Variants in LTBP2 observed in about 807,000 individuals in gnomAD.
LTBP2 encodes the protein latent transforming growth factor beta binding protein 2, also known as latent-transforming growth factor beta-binding protein 2.
LTBP2 carries 103 observed loss-of-function variants against 210.6 expected under a neutral mutation model. The observed-to-expected ratio is 0.49, with a 90% CI of 0.42 to 0.58. LTBP2 has a LOEUF of 0.58. Among genes scored for constraint, LTBP2 ranks in the 20% least tolerant of loss-of-function variants. The probability of loss-of-function intolerance (pLI) is 0.00; values close to 1 mark genes in which losing one functional copy is unlikely to be tolerated. For missense variants in LTBP2, 2,313 were observed against 2,494.5 expected (o/e 0.93, Z 1.55); for synonymous variants, 1,007 against 1,015.0 (o/e 0.99, Z 0.15).
intron 1 of LTBP2, among the ~76,000 whole-genome samples, chr14:74,610,569 G>C (rs950953974): frequency 6.6e-6 from 1 of 152,154 alleles, no homozygotes; most frequent in Non-Finnish European, 1.5e-5. Flanking sequence ...ACTGCCCAGG[G>C]CTCAGTGCCC....
intron 3 of LTBP2, among the ~76,000 whole-genome samples, chr14:74,565,094 C>T (rs948072830): frequency 1.3e-5 from 2 of 152,068 alleles, no homozygotes; most frequent in Admixed American, 6.6e-5. Context: ...TGACCCGGTC[C>T]GAAGAACAGC....
intron 1 of LTBP2, 27 bp from the exon 2 acceptor site, chr14:74,603,732 C>T (rs771890505): frequency 6.2e-7 from 1 of 1,600,108 alleles, no homozygotes; most frequent in South Asian, 1.1e-5. Flanking sequence ...ACAGAGTCAA[C>T]ACAAGGATGC....
Position 74,551,105 on chromosome 14 carries a change from C to T in LTBP2, c.1645G>A (p.Gly549Arg), listed in dbSNP as rs1200037387. The change falls in exon 7 of 36, where the codon GGA becomes AGA. Residue 549 changes from glycine (G) to arginine (R), a missense_variant. Physicochemically the swap from Gly to Arg is moderately radical, Grantham distance 125 (BLOSUM62 -2). This residue lies in a region of LTBP2 where 1,867 missense variants were observed against 1,976.9 expected (regional missense o/e 0.94). Coordinates refer to ENST00000261978, the MANE Select transcript of LTBP2 (RefSeq NM_000428.3). ...TTCAGGTAACACCGGCCCAGCAGTC[C>T]TCGAGGCCTGGGTGCTGCTGGGGGC... ...PLPPAAPRPR[G>R]LLGRCYLNTV... The T allele has an allele frequency of 6.2e-7, 1 of 1,613,830 alleles. No homozygotes were observed. Among genetic ancestry groups the T allele is most frequent in the Non-Finnish European group, 8.5e-7 (1 of 1,180,028 alleles).
At chr14:74,605,498 G>T (rs2088512826) in intron 1 of LTBP2, among the ~76,000 whole-genome samples, 1 of 152,208 alleles carries the variant, frequency 6.6e-6, no homozygotes, top group Non-Finnish European at 1.5e-5. Context: ...GAGTTTCCGG[G>T]GGTGCGCCCC....
At chr14:74,587,046 T>A (rs2088215876) in intron 2 of LTBP2, among the ~76,000 whole-genome samples, 1 of 152,166 alleles carries the variant, frequency 6.6e-6, no homozygotes, top group Non-Finnish European at 1.5e-5. Context: ...TTCACTGTCC[T>A]TCACCCCCTT....
chr14:74,567,398 C>A (rs2087919031), intron 3 of LTBP2, among the ~76,000 whole-genome samples: 1 of 152,174 alleles, frequency 6.6e-6, no homozygotes, highest in Admixed American at 6.5e-5. Context: ...GTAAGAGAGC[C>A]AGGCAAGAGA....
At position 74,498,545 on chromosome 14, in the gene LTBP2, G is replaced by C. The variant is rs1277826035; in HGVS notation, c.*2339C>G. 1.3e-5 allele frequency: 3 copies of C among 226,014 alleles called. No individual in the cohort carries two copies. The highest frequency in any genetic ancestry group is 2.6e-5 in the Non-Finnish European group (3 of 113,630). The allele number at this position is 226,014 out of a possible 1,614,324, so 14.0% of individuals were successfully genotyped here. On this transcript the variant is annotated 3_prime_UTR_variant, in exon 36 of 36. Transcript: ENST00000261978. ...ATTGCAAGTATAAAAAAAAAGCAAA[G>C]TGCAGAACAGCATGCATAGTATGCT...
Position 74,551,047 on chromosome 14 carries a change from C to T in LTBP2, c.1686+17G>A. On this transcript the variant is annotated intron_variant, in intron 7 of 35. Coordinates refer to ENST00000261978, the MANE Select transcript of LTBP2 (RefSeq NM_000428.3). ...TCCTGGAAGCATCCAGGGCTGAGGCCAGAGCTGTGTTCTCACCTGTCCGTT... is the reference window on the plus strand; with the variant it reads ...TCCTGGAAGCATCCAGGGCTGAGGCTAGAGCTGTGTTCTCACCTGTCCGTT... 1 of 1,613,524 alleles carries T rather than the reference C, an allele frequency of 6.2e-7. No individual in the cohort carries two copies. Among genetic ancestry groups the T allele is most frequent in the African/African-American group, 1.3e-5 (1 of 75,062 alleles).
chr14:74,567,101 G>A (rs185358157), intron 3 of LTBP2, among the ~76,000 whole-genome samples: 2 of 152,192 alleles, frequency 1.3e-5, no homozygotes, highest in Admixed American at 6.5e-5. Context: ...GCAGGGAGAC[G>A]GAGGGAGGCA....
At chr14:74,595,643 A>AC (rs2088349886) in intron 2 of LTBP2, among the ~76,000 whole-genome samples, 1 of 151,936 alleles carries the variant, frequency 6.6e-6, no homozygotes, top group Admixed American at 6.6e-5. Flanking sequence ...TGAGAACACC[A>AC]CCCCAAACAC....
chr14:74,553,850 G>GA (rs2087692856), intron 4 of LTBP2, among the ~76,000 whole-genome samples: 1 of 151,292 alleles, frequency 6.6e-6, no homozygotes, highest in Admixed American at 6.6e-5. Context: ...GGAGGAAATT[G>GA]AAAAAATATG....
At chr14:74,589,872 G>A (rs1238837983) in intron 2 of LTBP2, among the ~76,000 whole-genome samples, 3 of 152,136 alleles carry the variant, frequency 2.0e-5, no homozygotes, top group Admixed American at 6.5e-5. Context: ...CCCAAAGCCC[G>A]GCGTGGGTGA....
At chr14:74,555,832 C>T in intron 3 of LTBP2, 139 bp from the exon 4 acceptor site, 1 of 562,414 alleles carries the variant, frequency 1.8e-6, no homozygotes, top group Non-Finnish European at 2.8e-6. Context: ...ATGGCTGACT[C>T]CCAGACATGA....
chr14:74,604,195 A>C, intron 1 of LTBP2, among the ~76,000 whole-genome samples: 1 of 150,788 alleles, frequency 6.6e-6, no homozygotes. Context: ...CCACACACAC[A>C]AAAAAACACC....
At chr14:74,517,339 C>A (rs541188377) in intron 17 of LTBP2, among the ~76,000 whole-genome samples, 2 of 152,068 alleles carry the variant, frequency 1.3e-5, no homozygotes, top group African/African-American at 2.4e-5. Context: ...CTCCTGGAGT[C>A]CTTCCTTCCT....
chr14:74,544,435 C>A (rs779553590), intron 8 of LTBP2, among the ~76,000 whole-genome samples: 2 of 152,110 alleles, frequency 1.3e-5, no homozygotes, highest in Non-Finnish European at 2.9e-5. Flanking sequence ...TGTTAGGATG[C>A]AAGAAAATGA....
At chr14:74,546,290 TC>T (rs2139740281) in intron 8 of LTBP2, among the ~76,000 whole-genome samples, 1 of 152,222 alleles carries the variant, frequency 6.6e-6, no homozygotes, top group East Asian at 1.9e-4. Flanking sequence ...TTGCCAACCT[TC>T]CCCAAACCTG....
Position 74,528,586 on chromosome 14 carries a change from C to T in LTBP2, c.2265G>A (p.Glu755=). Residue 755 remains glutamate (E), a synonymous_variant, in exon 12 of 36, where the codon GAG becomes GAA. Transcript: ENST00000261978. The stretch of plus-strand genomic sequence containing the variant: ...GTGCCCCGCTGCTCCTCTGCCCTTG[C>T]TCCCTTGGGGGCCTTGCCAGTTCCT... The part of the protein sequence containing the change: ...EEEELARPPR[E]QGQRSSGALP... The T allele has an allele frequency of 1.9e-6, 3 of 1,613,542 alleles. No homozygotes were observed. Among genetic ancestry groups the T allele is most frequent in the Non-Finnish European group, 2.5e-6 (3 of 1,180,050 alleles).
At chr14:74,540,391 T>A (rs1188818638) in intron 8 of LTBP2, among the ~76,000 whole-genome samples, 1 of 152,086 alleles carries the variant, frequency 6.6e-6, no homozygotes, top group Non-Finnish European at 1.5e-5. Context: ...GAGAATTCTT[T>A]GAGCCTAGGA....
Sources: allele counts gnomAD v4.1 joint callset (sites outside exome capture counted in the v4.1 genomes callset), GRCh38; gene constraint gnomAD v4.1.1; regional missense constraint gnomAD v4.1.1; transcripts MANE v1.5; gene names NCBI Gene and HGNC (gene_info 2026-07-23, HGNC 2026-07-21).